Variants in ZNF487 observed in about 807,000 individuals in gnomAD.
The protein encoded by ZNF487 is zinc finger protein 487, also known as KRAB domain only 1.
ZNF487 carries 4 observed loss-of-function variants against 3.0 expected under a neutral mutation model. That is an observed-to-expected ratio of 1.35 (90% CI 0.66 to 3.08). The LOEUF is 3.08. Ranked by LOEUF, ZNF487 falls within the 30% of genes most tolerant of loss-of-function variation. The pLI is 0.01. For synonymous variants in ZNF487, 55 were observed against 34.6 expected, an observed-to-expected ratio of 1.59 and a Z score of -2.06; for missense variants, 146 against 98.7, an observed-to-expected ratio of 1.48 and a Z score of -2.03.
At chr10:43,513,613 C>T in the ZNF487 span, among the ~76,000 whole-genome samples, 1 of 152,142 alleles carries the variant, frequency 6.6e-6, no homozygotes, top group African/African-American at 2.4e-5. Flanking sequence ...GTAAAGGCAG[C>T]TCTAATGGCT....
At chr10:43,442,668 C>T (rs1477456703) in intron 1 of ZNF487, among the ~76,000 whole-genome samples, 1 of 152,172 alleles carries the variant, frequency 6.6e-6, no homozygotes. Flanking sequence ...TGGTCTTGAA[C>T]TCCTGACCTC....
chr10:43,489,483 A>G, the ZNF487 span, among the ~76,000 whole-genome samples: 1 of 152,100 alleles, frequency 6.6e-6, no homozygotes, highest in Non-Finnish European at 1.5e-5. Flanking sequence ...GCTCCTGAGT[A>G]GCTGAGTTTA....
At chr10:43,473,676 T>C (rs1840987857) in intron 1 of ZNF487, among the ~76,000 whole-genome samples, 4 of 151,826 alleles carry the variant, frequency 2.6e-5, no homozygotes, top group Non-Finnish European at 5.9e-5. Flanking sequence ...CCTTTTTTTT[T>C]TCCCCAGACC....
At chr10:43,461,877 T>C (rs963367704) in intron 1 of ZNF487, among the ~76,000 whole-genome samples, 1 of 152,194 alleles carries the variant, frequency 6.6e-6, no homozygotes, top group African/African-American at 2.4e-5. Flanking sequence ...ACCTTGTCAT[T>C]TGTCATCCCC....
At chr10:43,508,663 AAAAAAC>A in the ZNF487 span, among the ~76,000 whole-genome samples, 78 of 152,126 alleles carry the variant, frequency 5.1e-4, 1 homozygote, top group African/African-American at 1.7e-3. Flanking sequence ...ACAAAAATAC[AAAAAAC>A]AAAAACAAAA....
chr10:43,461,848 G>A (rs1452881791), intron 1 of ZNF487, among the ~76,000 whole-genome samples: 1 of 152,014 alleles, frequency 6.6e-6, no homozygotes. Flanking sequence ...CTTGATACAA[G>A]TCCTAGTTGT....
chr10:43,491,378 G>C, the ZNF487 span, among the ~76,000 whole-genome samples: 2 of 151,628 alleles, frequency 1.3e-5, no homozygotes, highest in Non-Finnish European at 2.9e-5. Flanking sequence ...CCAGGTACCT[G>C]TGTGGGTTCC....
At chr10:43,509,166 C>T in the ZNF487 span, among the ~76,000 whole-genome samples, 4 of 146,392 alleles carry the variant, frequency 2.7e-5, no homozygotes, top group African/African-American at 1.0e-4. Flanking sequence ...TGCACTCCAG[C>T]GTGGGTGACA....
At chr10:43,467,884 T>C (rs1835187334) in intron 1 of ZNF487, among the ~76,000 whole-genome samples, 1 of 151,938 alleles carries the variant, frequency 6.6e-6, no homozygotes, top group African/African-American at 2.4e-5. Flanking sequence ...ATCCCTCTGA[T>C]GGATCTGGGC....
At chr10:43,459,861 G>T (rs1351612401) in intron 1 of ZNF487, among the ~76,000 whole-genome samples, 1 of 150,904 alleles carries the variant, frequency 6.6e-6, no homozygotes, top group Non-Finnish European at 1.5e-5. Flanking sequence ...GAGTGCAGTG[G>T]CTCAATCTCA....
the ZNF487 span, among the ~76,000 whole-genome samples, chr10:43,509,997 A>C: frequency 6.6e-6 from 1 of 152,236 alleles, no homozygotes; most frequent in African/African-American, 2.4e-5. Context: ...TCCTTCATAC[A>C]ATGGGAAACG....
In ZNF487 at chr10:43,480,036, TTTC is replaced by T. The variant is rs1841284450; in HGVS notation, c.131-1390_131-1388del. Reference sequence around the variant, plus strand: ...CTTTCTTTCTTTCTTTCTTTCTTTCTTTCTTTCTTTTTCTTTCTTTCTTCCTTG... The same window carrying T: ...CTTTCTTTCTTTCTTTCTTTCTTTCTTTTCTTTTTCTTTCTTTCTTCCTTG... On this transcript the variant is annotated intron_variant, in intron 3 of 3. Coordinates refer to ENST00000437590, the MANE Select transcript of ZNF487 (RefSeq NM_001355444.3). 6.1e-5 allele frequency among the ~76,000 whole-genome samples: 3 copies of T among 49,328 alleles called. 1 individual carries two copies. Among genetic ancestry groups the T allele is most frequent in the Non-Finnish European group, 1.9e-4 (3 of 15,582 alleles). The allele number at this position is 49,328 out of a possible 152,430, so 32.4% of individuals were successfully genotyped here.
intron 3 of ZNF487, among the ~76,000 whole-genome samples, chr10:43,477,671 G>A (rs1010512716): frequency 1.3e-5 from 2 of 150,702 alleles, no homozygotes; most frequent in African/African-American, 2.4e-5. Context: ...AAAAAATGAG[G>A]TCGGGCTTGG....
chr10:43,466,971 G>A (rs934260211), intron 1 of ZNF487, among the ~76,000 whole-genome samples: 21 of 151,268 alleles, frequency 1.4e-4, no homozygotes, highest in African/African-American at 7.3e-5. Flanking sequence ...TAGGTTTGGC[G>A]ATTCTCCTGC....
the ZNF487 span, among the ~76,000 whole-genome samples, chr10:43,495,406 G>A: frequency 6.6e-6 from 1 of 151,976 alleles, no homozygotes; most frequent in South Asian, 2.1e-4. Context: ...GCCACACCCA[G>A]CTAATTTTTG....
chr10:43,483,612 C>A (rs1396329477), downstream of ZNF487, among the ~76,000 whole-genome samples: 3 of 152,068 alleles, frequency 2.0e-5, no homozygotes, highest in South Asian at 2.1e-4. Flanking sequence ...ACTGCAACCT[C>A]CTCCTCCCGG....
chr10:43,462,984 C>T lies in ZNF487; in HGVS notation c.-93-12737C>T, dbSNP rs184062265. On this transcript the variant is annotated intron_variant, in intron 1 of 3. Transcript: ENST00000437590. ...GTGCGGTGGCTCATGTCTGTAATCC[C>T]AGCACTTGGGGATGCCAAGGCGGGT... 5.5e-4 allele frequency among the ~76,000 whole-genome samples: 83 copies of T among 152,212 alleles called. No individual in the cohort carries two copies. The Middle Eastern group carries it at 0.01, about 19-fold the overall frequency.
the ZNF487 span, among the ~76,000 whole-genome samples, chr10:43,500,386 A>G: frequency 6.6e-6 from 1 of 152,056 alleles, no homozygotes; most frequent in African/African-American, 2.4e-5. Flanking sequence ...TGATCATACC[A>G]CTGCACTCCA....
chr10:43,450,012 A>C (rs1444184594), intron 1 of ZNF487, among the ~76,000 whole-genome samples: 1 of 151,696 alleles, frequency 6.6e-6, no homozygotes, highest in African/African-American at 2.4e-5. Context: ...TGTAAGTTTT[A>C]ATTTAAATAC....
Sources: gnomAD v4.1 joint callset for allele counts (sites outside exome capture counted in the v4.1 genomes callset) on GRCh38, gnomAD v4.1.1 for gene constraint, MANE v1.5 for transcripts, NCBI Gene and HGNC (gene_info 2026-07-23, HGNC 2026-07-21) for gene names.